The following GPLD1 variants were observed in gnomAD, a reference collection of about 807,000 sequenced individuals.
The protein encoded by GPLD1 is phosphatidylinositol-glycan-specific phospholipase D.
Under a neutral mutation model 112.6 loss-of-function variants are expected in GPLD1, and 84 were observed. That is an observed-to-expected ratio of 0.75 (90% CI 0.63 to 0.89). GPLD1 has a LOEUF of 0.89. Among genes scored for constraint, GPLD1 ranks in the 40% least tolerant of loss-of-function variants. The pLI, the probability that GPLD1 is intolerant of heterozygous loss-of-function variation, is 0.00. For synonymous variants in GPLD1, 386 were observed against 403.8 expected, an observed-to-expected ratio of 0.96 and a Z score of 0.53; for missense variants, 1,044 against 1,051.5, an observed-to-expected ratio of 0.99 and a Z score of 0.10.
At chr6:24,494,944 C>T in intron 1 of GPLD1, 2 of 1,278,412 alleles carry the variant, frequency 1.6e-6, no homozygotes, top group Non-Finnish European at 2.0e-6. Flanking sequence ...CCCCTGCGTT[C>T]CCGTGCGCGC....
chr6:24,424,763 GTAA>G (rs1224576573), downstream of GPLD1: 6 of 152,186 alleles, frequency 3.9e-5, no homozygotes, highest in Non-Finnish European at 7.3e-5. Context: ...CACTACAAAT[GTAA>G]TAATAACAGA....
At chr6:24,459,472 G>A (rs960598018) in intron 12 of GPLD1, among the ~76,000 whole-genome samples, 2 of 152,110 alleles carry the variant, frequency 1.3e-5, no homozygotes, top group East Asian at 3.9e-4. Flanking sequence ...ACCCAGGCTA[G>A]TCTCAAACTC....
rs180777313 is a variant in GPLD1, at chr6:24,471,939, T to G, written c.545+643A>C. ...GAAGTACACATTACAAAGGAAAAAC[T>G]GATCTATTCAACTACATGAATATTA... On this transcript the variant is annotated intron_variant, in intron 7 of 24. Transcript: ENST00000230036. Among the ~76,000 whole-genome samples the G allele has an allele frequency of 2.6e-5, 4 of 152,278 alleles. No individual in the cohort carries two copies. In the East Asian group the frequency reaches 7.7e-4, roughly 29 times the overall value.
intron 5 of GPLD1, among the ~76,000 whole-genome samples, chr6:24,474,206 C>CACACACACATATAT (rs1386205113): frequency 1.7e-5 from 2 of 120,734 alleles, no homozygotes; most frequent in African/African-American, 5.1e-5. Context: ...CACACACACA[C>CACACACACATATAT]ATATATATGC....
chr6:24,494,354 A>C (rs1339204844), upstream of GPLD1, among the ~76,000 whole-genome samples: 1 of 152,164 alleles, frequency 6.6e-6, no homozygotes, highest in Non-Finnish European at 1.5e-5. Context: ...TAGTCTGTTT[A>C]TTTCCAAAGC....
intron 12 of GPLD1, 53 bp downstream of exon 12, chr6:24,460,226 G>GT (rs1277288871): frequency 6.2e-7 from 1 of 1,602,068 alleles, no homozygotes; most frequent in African/African-American, 1.3e-5. Flanking sequence ...GCGAAACAAG[G>GT]TATCTCAAGA....
chr6:24,474,970 A>C (rs1763958867), intron 5 of GPLD1, 151 bp downstream of exon 5: 3 of 523,342 alleles, frequency 5.7e-6, no homozygotes, highest in Non-Finnish European at 1.0e-5. Context: ...AAAGGAACAA[A>C]TTGGAAAAGA....
intron 20 of GPLD1, among the ~76,000 whole-genome samples, chr6:24,438,435 G>A (rs982842501): frequency 3.3e-5 from 5 of 152,180 alleles, no homozygotes; most frequent in Non-Finnish European, 2.9e-5. Flanking sequence ...GTGTCAGTGC[G>A]TGGATACAAT....
At position 24,489,527 on chromosome 6, in the gene GPLD1, C is replaced by T. The variant is rs369850843; in HGVS notation, c.-16G>A. 10 of 1,613,788 alleles carry T rather than the reference C, an allele frequency of 6.2e-6. No individual in the cohort carries two copies. The highest frequency in any genetic ancestry group is 3.3e-5 in the South Asian group (3 of 91,072). Reference sequence around the variant, plus strand: ...AAGCAGACATGATCTCATTGCCCACCGGCTTCTCTGGTGACGTGGGAATGC... The same window carrying T: ...AAGCAGACATGATCTCATTGCCCACTGGCTTCTCTGGTGACGTGGGAATGC... On this transcript the variant is annotated 5_prime_UTR_variant, in exon 1 of 25. Coordinates refer to ENST00000230036, the MANE Select transcript of GPLD1 (RefSeq NM_001503.4).
Position 24,454,095 on chromosome 6 carries a change from T to C in GPLD1, c.1255A>G (p.Ile419Val). ...GGCAGGCCCAGGTCATTGCCGTAGA[T>C]GAGGTACACGCGCCCGATGTGGATG... ...GHIHIGRVYL[I>V]YGNDLGLPPV... is the part of the protein sequence containing the mutation. The change falls in exon 14 of 25, where the codon ATC (isoleucine) becomes GTC (valine). Residue 419 changes from isoleucine (I) to valine (V), a missense_variant. Ile to Val is a conservative substitution (Grantham distance 29, BLOSUM62 3). Transcript: ENST00000230036. The C allele has an allele frequency of 6.2e-7, 1 of 1,613,750 alleles. No individual in the cohort carries two copies. The highest frequency in any genetic ancestry group is 8.5e-7 in the Non-Finnish European group (1 of 1,179,678).
intron 3 of GPLD1, among the ~76,000 whole-genome samples, chr6:24,477,277 T>C (rs1764052297): frequency 6.7e-6 from 1 of 148,310 alleles, no homozygotes; most frequent in South Asian, 2.2e-4. Flanking sequence ...TGCTGACAGC[T>C]GGCAAGCCAC....
intron 10 of GPLD1, among the ~76,000 whole-genome samples, chr6:24,463,762 C>T (rs1239998794): frequency 1.3e-5 from 2 of 152,178 alleles, no homozygotes; most frequent in African/African-American, 4.8e-5. Context: ...ATGCCTGTTA[C>T]TATGAACATA....
intron 3 of GPLD1, among the ~76,000 whole-genome samples, chr6:24,477,288 T>G (rs1484247445): frequency 6.7e-6 from 1 of 148,602 alleles, no homozygotes; most frequent in Non-Finnish European, 1.5e-5. Context: ...GGCAAGCCAC[T>G]GCCCAGAGAC....
chr6:24,439,186 C>A (rs1333157174), intron 20 of GPLD1, among the ~76,000 whole-genome samples: 1 of 144,304 alleles, frequency 6.9e-6, no homozygotes, highest in Non-Finnish European at 1.6e-5. Context: ...TGCTTCAGTC[C>A]TTCCATGGCA....
intron 14 of GPLD1, 103 bp from the exon 15 acceptor site, chr6:24,450,002 C>T (rs971113398): frequency 1.4e-5 from 10 of 722,008 alleles, no homozygotes; most frequent in Non-Finnish European, 2.1e-5. Context: ...CCCCGCCCCC[C>T]GCCACCCAAA....
intron 2 of GPLD1, among the ~76,000 whole-genome samples, chr6:24,483,847 G>A (rs566979191): frequency 1.3e-5 from 2 of 151,708 alleles, no homozygotes; most frequent in South Asian, 2.1e-4. Context: ...GGGTTCAAGC[G>A]ATTCTCCTGC....
chr6:24,428,855 T>A lies in GPLD1; in HGVS notation c.*177A>T. On this transcript the variant is annotated 3_prime_UTR_variant, in exon 25 of 25. Transcript: ENST00000230036. ...ATTTCTGGTGCAGTCATATATTTAC[T>A]GTATCAGATTTCCAGAGGGTGTGGC... 1 of 489,046 alleles carries A rather than the reference T, an allele frequency of 2.0e-6. No homozygotes were observed. 30.3% of individuals were successfully genotyped at this position (489,046 alleles called of 1,614,324 possible).
chr6:24,470,223 C>T (rs1763755574), intron 7 of GPLD1, among the ~76,000 whole-genome samples: 1 of 151,998 alleles, frequency 6.6e-6, no homozygotes, highest in African/African-American at 2.4e-5. Flanking sequence ...TTAACTTGAG[C>T]CTACTTATTC....
chr6:24,447,927 T>C lies in GPLD1; in HGVS notation c.1628A>G (p.Gln543Arg). 9.3e-6 allele frequency: 15 copies of C among 1,614,128 alleles called. No homozygotes were observed. The highest frequency in any genetic ancestry group is 1.3e-5 in the Non-Finnish European group (15 of 1,180,024). Residue 543 changes from glutamine (Q) to arginine (R), a missense_variant, in exon 17 of 25, where the codon CAG becomes CGG. By Grantham distance (43) the Gln-to-Arg change is conservative. Transcript: ENST00000230036. ...ATAAAACGCAGCCACAATTCCCTTC[T>C]GCTTCCCTCCACCTGGTGCAAAAGG... is the stretch of plus-strand genomic sequence containing the variant. ...GSPFAPGGGK[Q>R]KGIVAAFYSG...
Sources: allele counts gnomAD v4.1 joint callset (sites outside exome capture counted in the v4.1 genomes callset), GRCh38; gene constraint gnomAD v4.1.1; transcripts MANE v1.5; gene names NCBI Gene and HGNC (gene_info 2026-07-23, HGNC 2026-07-21).